ABHD2: variants seen among roughly 807,000 people sequenced by gnomAD.
ABHD2 encodes monoacylglycerol lipase ABHD2.
ABHD2 carries 20 observed loss-of-function variants against 48.1 expected under a neutral mutation model. That is an observed-to-expected ratio of 0.42 (90% CI 0.29 to 0.60). The LOEUF is 0.60. Among genes scored for constraint, ABHD2 ranks in the 20% least tolerant of loss-of-function variants. ABHD2 has a pLI of 0.24. For missense variants in ABHD2, 405 were observed against 550.9 expected (o/e 0.74, Z 2.65); for synonymous variants, 209 against 214.2 (o/e 0.98, Z 0.21).
intron 3 of ABHD2, among the ~76,000 whole-genome samples, chr15:89,149,200 G>A (rs2050548723): frequency 6.9e-6 from 1 of 145,502 alleles, no homozygotes; most frequent in South Asian, 2.2e-4. Context: ...GTGATTGTGA[G>A]GCAATTGATC....
chr15:89,071,264 A>T, the ABHD2 span, among the ~76,000 whole-genome samples: 1 of 152,050 alleles, frequency 6.6e-6, no homozygotes, highest in Non-Finnish European at 1.5e-5. Flanking sequence ...TACTAAAAAT[A>T]TAAAAAATTA....
At chr15:89,147,838 G>A (rs1319571193) in intron 3 of ABHD2, among the ~76,000 whole-genome samples, 4 of 151,414 alleles carry the variant, frequency 2.6e-5, no homozygotes, top group Non-Finnish European at 5.9e-5. Context: ...GCCGGGCACA[G>A]TGGCTCACGC....
At chr15:89,086,844 T>C (rs1901366829), upstream of ABHD2, among the ~76,000 whole-genome samples, 1 of 152,150 alleles carries the variant, frequency 6.6e-6, no homozygotes, top group Non-Finnish European at 1.5e-5. Flanking sequence ...GACGATGGGG[T>C]TCATCACTAA....
chr15:89,180,594 C>A (rs1472276984), intron 6 of ABHD2, among the ~76,000 whole-genome samples: 1 of 152,218 alleles, frequency 6.6e-6, no homozygotes, highest in South Asian at 2.1e-4. Context: ...TGAAGGGCAA[C>A]CTGCTACCAG....
chr15:89,070,904 T>G, the ABHD2 span, among the ~76,000 whole-genome samples: 1 of 152,232 alleles, frequency 6.6e-6, no homozygotes, highest in South Asian at 2.1e-4. Context: ...TTTCATGGCC[T>G]TTGGCTCTGC....
the ABHD2 span, among the ~76,000 whole-genome samples, chr15:89,073,158 A>G: frequency 1.3e-5 from 2 of 152,204 alleles, no homozygotes; most frequent in African/African-American, 4.8e-5. Context: ...GAATATACTC[A>G]GAAAATTCCC....
At chr15:89,112,325 T>C (rs1379734130) in intron 1 of ABHD2, among the ~76,000 whole-genome samples, 5 of 152,204 alleles carry the variant, frequency 3.3e-5, no homozygotes, top group African/African-American at 1.2e-4. Flanking sequence ...ATGAATAAAT[T>C]AATTTTTTTT....
the ABHD2 span, among the ~76,000 whole-genome samples, chr15:89,051,468 G>A: frequency 6.6e-6 from 1 of 152,114 alleles, no homozygotes; most frequent in African/African-American, 2.4e-5. Context: ...GGATACAATG[G>A]CTCAAGGGAG....
chr15:89,201,423 G>T lies in ABHD2; in HGVS notation c.*6000G>T, dbSNP rs2051464295. The stretch of plus-strand genomic sequence containing the variant: ...TCATTCAATTTATCATTTTCATTGG[G>T]GATCTCCATTTGGAATCCATTAATT... On this transcript the variant is annotated 3_prime_UTR_variant, in exon 11 of 11. Transcript: ENST00000352732. 7.8e-7 allele frequency: 1 copy of T among 1,275,106 alleles called. No individual in the cohort carries two copies. The highest frequency in any genetic ancestry group is 1.1e-6 in the Non-Finnish European group (1 of 885,122). 79.0% of individuals were successfully genotyped at this position (1,275,106 alleles called of 1,614,324 possible).
chr15:89,079,191 A>G, the ABHD2 span, among the ~76,000 whole-genome samples: 8 of 152,382 alleles, frequency 5.2e-5, 1 homozygote, highest in Admixed American at 1.3e-4. This position sits in a 1 kb window ranked among gnomAD's most constrained non-coding sequence, Gnocchi z 4.3. Context: ...CAAGAAAACT[A>G]ACATAATTGA....
chr15:89,167,616 T>G lies in ABHD2; in HGVS notation c.539-8196T>G, dbSNP rs1324112784. Among the ~76,000 whole-genome samples, 2 of 152,188 alleles carry G rather than the reference T, an allele frequency of 1.3e-5. No individual in the cohort carries two copies. The highest frequency in any genetic ancestry group is 2.9e-5 in the Non-Finnish European group (2 of 68,040). On this transcript the variant is annotated intron_variant, in intron 5 of 10. Coordinates refer to ENST00000352732, the MANE Select transcript of ABHD2 (RefSeq NM_152924.5). This position sits in a 1 kb window ranked among gnomAD's most constrained non-coding sequence, Gnocchi z 5.5. ...CATCCTATACCTGGGGAAACAAGGC[T>G]GAAAACACTCATTTTTTAAAATCCT...
chr15:89,200,959 G>A lies in ABHD2; in HGVS notation c.*5536G>A, dbSNP rs58137913. 0.016 allele frequency: 7,685 copies of A among 491,438 alleles called. 495 individuals are homozygous for A. The highest frequency in any genetic ancestry group is 0.13 in the African/African-American group (6,688 of 49,784). The allele number at this position is 491,438 out of a possible 1,614,324, so 30.4% of individuals were successfully genotyped here. ...TAGCTGGGTGTGGTGGCGGGCGCCTGTAATCCCAGCTACTCGGGAGGCTGA... is the reference window on the plus strand; with the variant it reads ...TAGCTGGGTGTGGTGGCGGGCGCCTATAATCCCAGCTACTCGGGAGGCTGA... On this transcript the variant is annotated 3_prime_UTR_variant, in exon 11 of 11. Coordinates refer to ENST00000352732, the MANE Select transcript of ABHD2 (RefSeq NM_152924.5).
intron 1 of ABHD2, among the ~76,000 whole-genome samples, chr15:89,101,832 G>T: frequency 6.6e-6 from 1 of 152,172 alleles, no homozygotes; most frequent in East Asian, 1.9e-4. Context: ...TGCCATCAAG[G>T]GCTTGCAGTG....
rs35188439 is a variant in ABHD2 at position 89,147,350 on chromosome 15, C to CT, written c.195-4306dup. ...GTTTATAATTGGGTATTGCATAGCT[C>CT]TTTTTTTTTTTTTTTTTTTTTGAGA... On this transcript the variant is annotated intron_variant, in intron 3 of 10. Transcript: ENST00000352732. Among the ~76,000 whole-genome samples the CT allele has an allele frequency of 5.8e-3, 584 of 100,270 alleles. 10 individuals are homozygous for CT. Among genetic ancestry groups the CT allele is most frequent in the East Asian group, 0.01 (29 of 2,828 alleles). 65.8% of individuals were successfully genotyped at this position (100,270 alleles called of 152,430 possible).
intron 5 of ABHD2, among the ~76,000 whole-genome samples, chr15:89,169,531 A>T (rs2050886968): frequency 1.3e-5 from 2 of 152,230 alleles, no homozygotes; most frequent in Admixed American, 1.3e-4. Flanking sequence ...TCAATGTTGG[A>T]ACCAAACATA....
rs1452084633 is a variant in ABHD2 at position 89,175,159 on chromosome 15, G to A, written c.539-653G>A. Among the ~76,000 whole-genome samples the A allele has an allele frequency of 6.6e-6, 1 of 152,182 alleles. No homozygotes were observed. Among genetic ancestry groups the A allele is most frequent in the Non-Finnish European group, 1.5e-5 (1 of 68,034 alleles). On this transcript the variant is annotated intron_variant, in intron 5 of 10. Transcript: ENST00000352732. The surrounding 1 kb of genome is among the most constrained non-coding windows in gnomAD (Gnocchi z 5.7). ...ATGAATCATCATACACATGGGTATA[G>A]CATCCCAATTTGTAGCCTAGGAAGC...
At chr15:89,059,378 A>G in the ABHD2 span, among the ~76,000 whole-genome samples, 1 of 152,120 alleles carries the variant, frequency 6.6e-6, no homozygotes, top group Non-Finnish European at 1.5e-5. Context: ...CAAACTGGCT[A>G]TTTATTTGTC....
rs74032723 is a variant in ABHD2, at chr15:89,113,171, C to G, written c.-106-554C>G. ...CGCTTCTCAGCAGCCAGCCTCTGGC[C>G]ATAGTCTGAACTCAGACCCTACAAG... On this transcript the variant is annotated intron_variant, in intron 1 of 10. Coordinates refer to ENST00000352732, the MANE Select transcript of ABHD2 (RefSeq NM_152924.5). Among the ~76,000 whole-genome samples, 336 of 152,318 alleles carry G rather than the reference C, an allele frequency of 2.2e-3. 3 individuals carry two copies. Among genetic ancestry groups the G allele is most frequent in the African/African-American group, 7.8e-3 (326 of 41,562 alleles).
the ABHD2 span, among the ~76,000 whole-genome samples, chr15:89,074,590 G>A: frequency 6.6e-6 from 1 of 152,136 alleles, no homozygotes; most frequent in South Asian, 2.1e-4. Context: ...TAAGTGTAAT[G>A]GAAATGAAAG....
Sources: gnomAD v4.1 joint callset for allele counts (sites outside exome capture counted in the v4.1 genomes callset) on GRCh38, gnomAD v4.1.1 for gene constraint, Gnocchi (gnomAD v3.1) non-coding constraint, MANE v1.5 for transcripts, NCBI Gene and HGNC (gene_info 2026-07-23, HGNC 2026-07-21) for gene names.